Variants in CLN3 observed in about 807,000 individuals in gnomAD.
CLN3 encodes battenin.
A neutral mutation model predicts 60.7 loss-of-function variants in CLN3; 49 were observed. That is an observed-to-expected ratio of 0.81 (90% CI 0.64 to 1.02). CLN3 has a LOEUF of 1.02. CLN3 is among the 50% of genes least tolerant of loss of function. The pLI is 0.00. For synonymous variants in CLN3, 256 were observed against 245.8 expected, an observed-to-expected ratio of 1.04 and a Z score of -0.39; for missense variants, 516 against 557.4, an observed-to-expected ratio of 0.93 and a Z score of 0.75.
Position 28,491,714 on chromosome 16 carries a change from C to T in CLN3, c.46G>A (p.Gly16Arg). The T allele has an allele frequency of 6.2e-7, 1 of 1,614,130 alleles. No individual in the cohort carries two copies. Among genetic ancestry groups the T allele is most frequent in the Non-Finnish European group, 8.5e-7 (1 of 1,180,014 alleles). ...CATGAGGGTGGGCGGGAATACTCAC[C>T]CTCGGAATCCGAAAAGCGCCGCCGC... ...GSRRRFSDSE[G>R]EETVPEPRLP... The change falls in exon 2 of 16, where the codon GGG becomes AGG. Residue 16 changes from glycine (G) to arginine (R), a missense_variant and splice_region_variant. Physicochemically the swap from Gly to Arg is moderately radical, Grantham distance 125. Coordinates refer to ENST00000636147, the MANE Select transcript of CLN3 (RefSeq NM_001042432.2).
chr16:28,480,140 A>C (rs2046061767), intron 14 of CLN3, among the ~76,000 whole-genome samples: 1 of 151,214 alleles, frequency 6.6e-6, no homozygotes, highest in African/African-American at 2.4e-5. Flanking sequence ...TTTTTTGTAG[A>C]GATGAGGTCT....
intron 3 of CLN3, chr16:28,490,865 T>C (rs1399247915): frequency 6.6e-6 from 1 of 151,786 alleles, no homozygotes; most frequent in African/African-American, 2.4e-5. Flanking sequence ...GGCCACGAGT[T>C]TGAGACCAGC....
At position 28,487,867 on chromosome 16, in the gene CLN3, C is replaced by T. The variant is rs535418058; in HGVS notation, c.295-126G>A. The T allele has an allele frequency of 5.8e-4, 435 of 746,898 alleles. 1 individual carries two copies. Among genetic ancestry groups the T allele is most frequent in the Non-Finnish European group, 7.2e-4 (304 of 421,326 alleles). 46.3% of individuals were successfully genotyped at this position (746,898 alleles called of 1,614,324 possible). ...CAAACACAGGCTCTGGAGTCAGGCACGCCTGGGTTCAAGTCTCAGCTCTCC... is the reference window on the plus strand; with the variant it reads ...CAAACACAGGCTCTGGAGTCAGGCATGCCTGGGTTCAAGTCTCAGCTCTCC... On this transcript the variant is annotated intron_variant, in intron 5 of 15. Transcript: ENST00000636147.
chr16:28,474,820 G>A (rs2045978077), downstream of CLN3, among the ~76,000 whole-genome samples: 1 of 152,288 alleles, frequency 6.6e-6, no homozygotes, highest in South Asian at 2.1e-4. Flanking sequence ...AAAATATTGT[G>A]GCTGGGTGTG....
At chr16:28,485,996 CTT>C (rs901586676) in intron 9 of CLN3, among the ~76,000 whole-genome samples, 2 of 145,270 alleles carry the variant, frequency 1.4e-5, no homozygotes, top group Non-Finnish European at 1.5e-5. Context: ...TCTTTTCTTT[CTT>C]TTTTTTTTTT....
At chr16:28,471,809 T>C (rs915121274), downstream of CLN3, among the ~76,000 whole-genome samples, 13 of 150,724 alleles carry the variant, frequency 8.6e-5, 1 homozygote, top group African/African-American at 2.9e-4. Flanking sequence ...GTGTGGACTT[T>C]AAATTCTGAA....
rs571216643 is a variant in CLN3 at position 28,489,365 on chromosome 16, G to A, written c.147C>T (p.Asn49=). Residue 49 remains asparagine (N), a synonymous_variant, in exon 4 of 16, where the codon AAC becomes AAT. Transcript: ENST00000636147. The part of the protein sequence containing the change: ...VGFWLLGLCN[N]FSYVVMLSAA... Reference sequence around the variant, plus strand: ...CACTCAGCATCACCACATAAGAGAAGTTGTTGCAAAGGCCCAGCAGCCTGG... The same window carrying A: ...CACTCAGCATCACCACATAAGAGAAATTGTTGCAAAGGCCCAGCAGCCTGG... 2.5e-6 allele frequency: 4 copies of A among 1,612,966 alleles called. No individual in the cohort carries two copies. The African/African-American group carries it at 4.0e-5, about 16-fold the overall frequency.
chr16:28,472,651 G>A (rs1289669833), downstream of CLN3, among the ~76,000 whole-genome samples: 1 of 150,544 alleles, frequency 6.6e-6, no homozygotes, highest in Non-Finnish European at 1.5e-5. Context: ...GGCCAGCCTG[G>A]CCAACACGGT....
intron 9 of CLN3, chr16:28,484,517 A>C (rs996037789): frequency 4.3e-6 from 1 of 230,880 alleles, no homozygotes; most frequent in South Asian, 5.7e-5. Context: ...CCCGCCTCAT[A>C]TTTTCCATTT....
intron 14 of CLN3, among the ~76,000 whole-genome samples, chr16:28,479,011 T>A (rs1398281113): frequency 6.6e-6 from 1 of 152,062 alleles, no homozygotes; most frequent in Non-Finnish European, 1.5e-5. Flanking sequence ...GCTGGGATTA[T>A]AGGCAGGAGC....
chr16:28,473,611 G>A (rs748710827), downstream of CLN3, among the ~76,000 whole-genome samples: 5 of 152,078 alleles, frequency 3.3e-5, no homozygotes, highest in South Asian at 2.1e-4. Flanking sequence ...GTGTCTTTCC[G>A]TACCAAAAGA....
chr16:28,481,974 G>A (rs1425903642), intron 14 of CLN3, 131 bp downstream of exon 14: 57 of 651,314 alleles, frequency 8.8e-5, no homozygotes, highest in South Asian at 2.3e-4. Context: ...ACGACAGAGC[G>A]AGACTCTGTC....
rs386833734 is a variant in CLN3, at chr16:28,486,442, C to A, written c.582G>T (p.Leu194=). 6.2e-7 allele frequency: 1 copy of A among 1,613,310 alleles called. No individual in the cohort carries two copies. The highest frequency in any genetic ancestry group is 8.5e-7 in the Non-Finnish European group (1 of 1,179,806). ...WSSGTGGAGL[L]GALSYLGLTQ... is the part of the protein sequence containing the mutation. ...TGAGGCCCAGGTAGGACAGGGCCCC[C>A]AGCAGCCCAGCTCCCCCAGTCCCTG... Residue 194 remains leucine (L), a synonymous_variant, in exon 9 of 16, where the codon CTG becomes CTT. Coordinates refer to ENST00000636147, the MANE Select transcript of CLN3 (RefSeq NM_001042432.2).
intron 7 of CLN3, chr16:28,486,990 A>C: frequency 2.6e-6 from 1 of 380,162 alleles, no homozygotes; most frequent in Non-Finnish European, 5.0e-6. Context: ...GGCTCACTGC[A>C]ACCTCTGCCT....
rs766826715 is a variant in CLN3 at position 28,491,796 on chromosome 16, T to C, written c.-37A>G. ...CAGGTCCCCCGAGGGTCCAGGGTCA[T>C]AGAGTGTCCAAAGGGGGCTCCCACG... On this transcript the variant is annotated 5_prime_UTR_variant, in exon 2 of 16. The change abolishes an upstream ATG in the 5' untranslated region. Coordinates refer to ENST00000636147, the MANE Select transcript of CLN3 (RefSeq NM_001042432.2). The C allele has an allele frequency of 4.3e-6, 7 of 1,611,616 alleles. No homozygotes were observed. The highest frequency in any genetic ancestry group is 3.4e-6 in the Non-Finnish European group (4 of 1,179,674).
At chr16:28,482,298 T>A (rs2046111692) in intron 13 of CLN3, 29 bp downstream of exon 13, 1 of 1,611,596 alleles carries the variant, frequency 6.2e-7, no homozygotes, top group African/African-American at 1.3e-5. Context: ...CACGGCGCCC[T>A]CCCAGCCCAC....
chr16:28,477,398 A>T lies in CLN3; in HGVS notation c.*118T>A. 1 of 1,417,654 alleles carries T rather than the reference A, an allele frequency of 7.1e-7. No homozygotes were observed. The highest frequency in any genetic ancestry group is 9.8e-7 in the Non-Finnish European group (1 of 1,016,716). 87.8% of individuals were successfully genotyped at this position (1,417,654 alleles called of 1,614,324 possible). ...AAGGCTTCAGCCCTTCCCTACTCCCAGACCTGCCGGGAAGGCTGGGAGCAC... is the reference window on the plus strand; with the variant it reads ...AAGGCTTCAGCCCTTCCCTACTCCCTGACCTGCCGGGAAGGCTGGGAGCAC... On this transcript the variant is annotated 3_prime_UTR_variant, in exon 16 of 16. Coordinates refer to ENST00000636147, the MANE Select transcript of CLN3 (RefSeq NM_001042432.2).
intron 3 of CLN3, among the ~76,000 whole-genome samples, chr16:28,489,624 C>T (rs1273517355): frequency 6.6e-6 from 1 of 152,086 alleles, no homozygotes; most frequent in African/African-American, 2.4e-5. Context: ...TGGTGGCTTG[C>T]ACTGTAGTCC....
intron 4 of CLN3, 103 bp downstream of exon 4, chr16:28,489,187 C>G: frequency 1.1e-6 from 1 of 881,618 alleles, no homozygotes. Context: ...CAGGTGTGAG[C>G]CACTGTGCCC....
Sources: gnomAD v4.1 joint callset for allele counts (sites outside exome capture counted in the v4.1 genomes callset) on GRCh38, gnomAD v4.1.1 for gene constraint, MANE v1.5 for transcripts, NCBI Gene and HGNC (gene_info 2026-07-23, HGNC 2026-07-21) for gene names.